MSANTD1: variants seen among roughly 807,000 people sequenced by gnomAD.
MSANTD1 encodes Myb/SANT DNA binding domain containing 1.
MSANTD1 carries 7 observed loss-of-function variants against 24.2 expected under a neutral mutation model. The observed-to-expected ratio is 0.29, with a 90% confidence interval of 0.16 to 0.54. MSANTD1 has a LOEUF of 0.54. Among genes scored for constraint, MSANTD1 ranks in the 20% least tolerant of loss-of-function variants. MSANTD1 has a pLI of 0.94. For missense variants in MSANTD1, 384 were observed against 408.2 expected (o/e 0.94, Z 0.51); for synonymous variants, 177 against 181.1 (o/e 0.98, Z 0.18).
At chr4:3,249,697 G>T (rs766308668) in intron 1 of MSANTD1, among the ~76,000 whole-genome samples, 155 bp downstream of exon 1, 32 of 152,270 alleles carry the variant, frequency 2.1e-4, no homozygotes, top group Non-Finnish European at 4.1e-4. Flanking sequence ...ACCCCACGGG[G>T]TGAGACGGGG....
upstream of MSANTD1, chr4:3,248,883 A>G: frequency 3.9e-6 from 1 of 259,214 alleles, no homozygotes; most frequent in East Asian, 7.0e-5. Flanking sequence ...TTCCCACCCG[A>G]GGCCCCCTCT....
chr4:3,250,627 T>C (rs1722194869), intron 1 of MSANTD1, among the ~76,000 whole-genome samples: 2 of 152,052 alleles, frequency 1.3e-5, no homozygotes, highest in South Asian at 2.1e-4. Context: ...AGGGGGAGAA[T>C]GGCAGCAGAG....
In MSANTD1 at chr4:3,249,254, T is replaced by G; in HGVS notation, c.32T>G (p.Leu11Arg). The stretch of plus-strand genomic sequence containing the variant: ...CGTGGGGCCGGGCCGGGGCCCTCGC[T>G]GAGCGCGCTCTCTCACCCCACAGGC... MVRGAGPGPS[L>R]SALSHPTGAS... Residue 11 changes from leucine (L) to arginine (R), a missense_variant, in exon 1 of 3, where the codon CTG becomes CGG. Physicochemically the swap from Leu to Arg is moderately radical, Grantham distance 102. Coordinates refer to ENST00000438480, the MANE Select transcript of MSANTD1 (RefSeq NM_001042690.2). 1 of 1,459,642 alleles carries G rather than the reference T, an allele frequency of 6.9e-7. No homozygotes were observed. The highest frequency in any genetic ancestry group is 9.1e-7 in the Non-Finnish European group (1 of 1,104,354). The allele number at this position is 1,459,642 out of a possible 1,614,324, so 90.4% of individuals were successfully genotyped here.
At chr4:3,247,855 C>T (rs1483090801), upstream of MSANTD1, 2 of 152,298 alleles carry the variant, frequency 1.3e-5, no homozygotes, top group African/African-American at 2.4e-5. Flanking sequence ...CCTGCCCTGT[C>T]CTTCCCCTGA....
upstream of MSANTD1, chr4:3,249,069 G>C: frequency 1.7e-6 from 1 of 593,292 alleles, no homozygotes; most frequent in Non-Finnish European, 2.6e-6. Flanking sequence ...TTCTGTTGTT[G>C]TAGCTTATGC....
rs1328892870 is a variant in MSANTD1, at chr4:3,253,252, GC to G, written c.369del (p.Tyr124IlefsTer3). ...TDSESAPPDW[P>X]YYLAIDGILA... Reference sequence around the variant, plus strand: ...ATAGCGAGTCCGCCCCGCCCGACTGGCCCTATTACCTAGCCATTGATGGGAT... The same window carrying G: ...ATAGCGAGTCCGCCCCGCCCGACTGGCCTATTACCTAGCCATTGATGGGAT... On this transcript the variant is annotated frameshift_variant, in exon 2 of 3. Coordinates refer to ENST00000438480, the MANE Select transcript of MSANTD1 (RefSeq NM_001042690.2). LOFTEE classifies it high-confidence loss of function. 6.3e-7 allele frequency: 1 copy of G among 1,597,636 alleles called. No homozygotes were observed. Among genetic ancestry groups the G allele is most frequent in the Non-Finnish European group, 8.6e-7 (1 of 1,169,440 alleles).
upstream of MSANTD1, chr4:3,246,680 C>G (rs561204577): frequency 1.4e-6 from 1 of 697,274 alleles, no homozygotes; most frequent in East Asian, 2.7e-5. Context: ...GGTACGAGCC[C>G]CTCCCCAGCA....
intron 1 of MSANTD1, among the ~76,000 whole-genome samples, chr4:3,251,584 C>T (rs1393746371): frequency 6.6e-6 from 1 of 152,188 alleles, no homozygotes; most frequent in Non-Finnish European, 1.5e-5. Context: ...TGCCCAGGGC[C>T]ACATAGTCCT....
chr4:3,244,571 A>T (rs1208481862), upstream of MSANTD1: 1 of 151,900 alleles, frequency 6.6e-6, no homozygotes, highest in African/African-American at 2.4e-5. Flanking sequence ...ACCAGCGCCT[A>T]CTCCAAGAAG....
chr4:3,255,672 G>C (rs1722362264), intron 2 of MSANTD1, 53 bp from the exon 3 acceptor site: 2 of 1,470,292 alleles, frequency 1.4e-6, no homozygotes, highest in South Asian at 2.8e-5. Context: ...TGAGGCCCCT[G>C]GTGTGCCCAG....
rs1006487344 is a variant in MSANTD1, at chr4:3,255,786, C to G, written c.658C>G (p.Leu220Val). The change falls in exon 3 of 3, where the codon CTG becomes GTG. Residue 220 changes from leucine (L) to valine (V), a missense_variant. By Grantham distance (32) the Leu-to-Val change is conservative. Coordinates refer to ENST00000438480, the MANE Select transcript of MSANTD1 (RefSeq NM_001042690.2). ...VQSCHLQKKQ[L>V]RLLEAMVEEQ... Reference sequence around the variant, plus strand: ...GAGCTGCCACCTGCAGAAGAAGCAGCTGCGGCTGCTGGAGGCCATGGTGGA... The same window carrying G: ...GAGCTGCCACCTGCAGAAGAAGCAGGTGCGGCTGCTGGAGGCCATGGTGGA... The G allele has an allele frequency of 4.5e-6, 7 of 1,546,924 alleles. No homozygotes were observed. Among genetic ancestry groups the G allele is most frequent in the Non-Finnish European group, 6.1e-6 (7 of 1,146,660 alleles).
upstream of MSANTD1, among the ~76,000 whole-genome samples, chr4:3,246,299 G>C (rs1016005653): frequency 1.3e-5 from 2 of 152,214 alleles, no homozygotes; most frequent in African/African-American, 4.8e-5. Context: ...GCTCCTGGAA[G>C]GTGCCCCTCA....
Position 3,256,232 on chromosome 4 carries a change from T to C in MSANTD1, c.*267T>C. 1 of 371,660 alleles carries C rather than the reference T, an allele frequency of 2.7e-6. No homozygotes were observed. The highest frequency in any genetic ancestry group is 4.8e-6 in the Non-Finnish European group (1 of 207,920). 23.0% of individuals were successfully genotyped at this position (371,660 alleles called of 1,614,324 possible). ...GGGTTCACTCCGAGTAAGAACGTCC[T>C]AGAGCCACTCTCCAGTGTCGTTACT... is the stretch of plus-strand genomic sequence containing the variant. On this transcript the variant is annotated 3_prime_UTR_variant, in exon 3 of 3. Coordinates refer to ENST00000438480, the MANE Select transcript of MSANTD1 (RefSeq NM_001042690.2).
At chr4:3,250,570 G>A (rs889534359) in intron 1 of MSANTD1, among the ~76,000 whole-genome samples, 1 of 152,192 alleles carries the variant, frequency 6.6e-6, no homozygotes, top group Non-Finnish European at 1.5e-5. Context: ...TTGGGTGTGG[G>A]GAGGGTCTTG....
At chr4:3,252,213 T>C (rs1722249811) in intron 1 of MSANTD1, among the ~76,000 whole-genome samples, 1 of 152,196 alleles carries the variant, frequency 6.6e-6, no homozygotes, top group African/African-American at 2.4e-5. Context: ...GAGATGCCCC[T>C]GCCCCACCCC....
rs780720692 is a variant in MSANTD1, at chr4:3,253,455, C to T, written c.569C>T (p.Ser190Phe). 5 of 1,573,336 alleles carry T rather than the reference C, an allele frequency of 3.2e-6. No individual in the cohort carries two copies. Among genetic ancestry groups the T allele is most frequent in the Non-Finnish European group, 3.5e-6 (4 of 1,154,852 alleles). ...GRFEDDRSDS[S>F]SSLLSLKFRS... Reference sequence around the variant, plus strand: ...TTCGAGGATGATCGCTCCGACAGCTCCTCCAGCTTACTGTCCCTTAAGTTC... The same window carrying T: ...TTCGAGGATGATCGCTCCGACAGCTTCTCCAGCTTACTGTCCCTTAAGTTC... The change falls in exon 2 of 3, where the codon TCC (serine) becomes TTC (phenylalanine). Residue 190 changes from serine (S) to phenylalanine (F), a missense_variant. Ser to Phe is a radical substitution (Grantham distance 155). Coordinates refer to ENST00000438480, the MANE Select transcript of MSANTD1 (RefSeq NM_001042690.2).
chr4:3,253,181 C>G (rs768696881), intron 1 of MSANTD1, 26 bp from the exon 2 acceptor site: 246 of 1,522,898 alleles, frequency 1.6e-4, no homozygotes, highest in Non-Finnish European at 2.0e-4. Context: ...GTTTCTCACC[C>G]TTGGCTCTTG....
chr4:3,249,309 C>T lies in MSANTD1; in HGVS notation c.87C>T (p.Pro29=), dbSNP rs1034614868. Residue 29 remains proline (P), a synonymous_variant, in exon 1 of 3, where the codon CCC becomes CCT. Coordinates refer to ENST00000438480, the MANE Select transcript of MSANTD1 (RefSeq NM_001042690.2). ...GASGMAAAEG[P]GYLVSPQAEK... ...CCGGCATGGCGGCGGCCGAGGGGCC[C>T]GGCTACCTCGTGTCTCCCCAGGCGG... is the stretch of plus-strand genomic sequence containing the variant. The T allele has an allele frequency of 9.1e-6, 14 of 1,539,432 alleles. No individual in the cohort carries two copies. The highest frequency in any genetic ancestry group is 2.7e-5 in the African/African-American group (2 of 72,914).
chr4:3,251,689 TTTTC>T (rs2110320682), intron 1 of MSANTD1, among the ~76,000 whole-genome samples: 1 of 147,382 alleles, frequency 6.8e-6, no homozygotes, highest in African/African-American at 2.7e-5. Context: ...TTTTTTTTCT[TTTTC>T]TTTTTTTTTT....
Sources: gnomAD v4.1 joint callset for allele counts (sites outside exome capture counted in the v4.1 genomes callset) on GRCh38, gnomAD v4.1.1 for gene constraint, MANE v1.5 for transcripts, NCBI Gene and HGNC (gene_info 2026-07-23, HGNC 2026-07-21) for gene names.